The following RBFOX1 variants were observed in gnomAD, a reference collection of about 807,000 sequenced individuals.
RBFOX1 encodes the protein RNA binding protein fox-1 homolog 1.
Under a neutral mutation model 57.7 loss-of-function variants are expected in RBFOX1, and 8 were observed. The ratio of observed to expected loss-of-function variants is 0.14; its 90% CI spans 0.08 to 0.25. RBFOX1 has a LOEUF of 0.25. Ranked by LOEUF, RBFOX1 falls within the 10% of genes least tolerant of loss-of-function variation. The pLI is 1.00. For missense variants in RBFOX1, 611 were observed against 548.5 expected, an observed-to-expected ratio of 1.11 and a Z score of -1.14; for synonymous variants, 326 against 222.4, an observed-to-expected ratio of 1.47 and a Z score of -4.15.
At chr16:5,863,203 C>T (rs565819257) in intron 3 of RBFOX1, among the ~76,000 whole-genome samples, 9 of 152,206 alleles carry the variant, frequency 5.9e-5, no homozygotes, top group East Asian at 1.9e-4. Context: ...TCGGCCTTTG[C>T]GATTTCAAAC....
intron 3 of RBFOX1, among the ~76,000 whole-genome samples, chr16:6,674,133 G>T (rs1391213085): frequency 2.0e-5 from 3 of 152,152 alleles, no homozygotes; most frequent in African/African-American, 7.2e-5. Flanking sequence ...TTGGTATTAA[G>T]TCCTTGTTGT....
At chr16:5,469,586 G>A (rs533752017) in intron 2 of RBFOX1, among the ~76,000 whole-genome samples, 1 of 152,226 alleles carries the variant, frequency 6.6e-6, no homozygotes, top group South Asian at 2.1e-4. Flanking sequence ...ACAATGCGGT[G>A]CCACCATACC....
chr16:7,505,222 T>C (rs1357546811), intron 4 of RBFOX1, among the ~76,000 whole-genome samples: 4 of 149,500 alleles, frequency 2.7e-5, no homozygotes, highest in Non-Finnish European at 5.9e-5. Flanking sequence ...TTTGAGATGA[T>C]TGAGGCAACA....
chr16:7,191,742 G>A (rs1227942413), intron 4 of RBFOX1, among the ~76,000 whole-genome samples: 1 of 152,240 alleles, frequency 6.6e-6, no homozygotes, highest in Non-Finnish European at 1.5e-5. Flanking sequence ...AAGGGGGTTA[G>A]AGCGAAAGCT....
chr16:6,839,427 A>C (rs1329692824), intron 3 of RBFOX1, among the ~76,000 whole-genome samples: 2 of 152,188 alleles, frequency 1.3e-5, no homozygotes, highest in Non-Finnish European at 2.9e-5. Flanking sequence ...AGACTCAATA[A>C]ACACCCTGAA....
At chr16:6,997,326 A>C (rs943264093) in intron 3 of RBFOX1, among the ~76,000 whole-genome samples, 2 of 152,186 alleles carry the variant, frequency 1.3e-5, no homozygotes, top group Non-Finnish European at 2.9e-5. Flanking sequence ...CATACTTATC[A>C]GTATGAAGTG....
At chr16:5,423,734 C>T (rs2067427186) in intron 1 of RBFOX1, among the ~76,000 whole-genome samples, 3 of 152,186 alleles carry the variant, frequency 2.0e-5, no homozygotes, top group African/African-American at 4.8e-5. Flanking sequence ...TTGAGTGGCT[C>T]ATAGAATCAT....
chr16:6,979,107 G>A (rs1349820878), intron 3 of RBFOX1, among the ~76,000 whole-genome samples: 1 of 152,148 alleles, frequency 6.6e-6, no homozygotes, highest in Non-Finnish European at 1.5e-5. Context: ...TGATGATTAT[G>A]GGCTCAGATA....
At chr16:5,283,227 C>G (rs1018895478) in intron 1 of RBFOX1, among the ~76,000 whole-genome samples, 12 of 152,216 alleles carry the variant, frequency 7.9e-5, no homozygotes, top group African/African-American at 2.9e-4. Flanking sequence ...GATGTCCAGG[C>G]AGCAGTTTGC....
intron 3 of RBFOX1, among the ~76,000 whole-genome samples, chr16:7,003,500 G>C (rs1033245720): frequency 1.3e-5 from 2 of 151,506 alleles, no homozygotes; most frequent in Non-Finnish European, 2.9e-5. Context: ...GGAGTAGTTT[G>C]TGAAGCCCTG....
rs142078929 is a variant in RBFOX1 at position 6,797,403 on chromosome 16, A to G, written c.-16+142753A>G. 1.1e-3 allele frequency among the ~76,000 whole-genome samples: 167 copies of G among 152,268 alleles called. 1 individual carries two copies. The highest frequency in any genetic ancestry group is 3.8e-3 in the African/African-American group (156 of 41,550). On this transcript the variant is annotated intron_variant, in intron 3 of 15. Transcript: ENST00000550418. Reference sequence around the variant, plus strand: ...AGGTGGTCGAAAGAGAGAGCGAGAGAAAGGGGGAGAGAGATAGAGTTGCTT... The same window carrying G: ...AGGTGGTCGAAAGAGAGAGCGAGAGGAAGGGGGAGAGAGATAGAGTTGCTT...
intron 3 of RBFOX1, among the ~76,000 whole-genome samples, chr16:6,730,012 A>G (rs576801875): frequency 2.6e-5 from 4 of 152,198 alleles, no homozygotes; most frequent in African/African-American, 4.8e-5. Context: ...TTGTCTAGGA[A>G]GTAATTTGGA....
intron 2 of RBFOX1, among the ~76,000 whole-genome samples, chr16:5,515,684 C>G (rs1156897543): frequency 6.6e-6 from 1 of 152,148 alleles, no homozygotes; most frequent in East Asian, 1.9e-4. Context: ...TCATTAAAAA[C>G]CAATATCCAA....
intron 1 of RBFOX1, among the ~76,000 whole-genome samples, chr16:6,159,641 G>A (rs2096863439): frequency 6.6e-6 from 1 of 152,086 alleles, no homozygotes; most frequent in African/African-American, 2.4e-5. Flanking sequence ...ACCTTCCCAC[G>A]TCTCAGACAG....
At chr16:6,196,372 G>T (rs1282959759) in intron 1 of RBFOX1, among the ~76,000 whole-genome samples, 1 of 152,188 alleles carries the variant, frequency 6.6e-6, no homozygotes, top group Non-Finnish European at 1.5e-5. Context: ...CATCATCTAT[G>T]AAATTGACAG....
intron 10 of RBFOX1, among the ~76,000 whole-genome samples, chr16:7,624,892 T>G (rs1020100352): frequency 6.6e-6 from 1 of 152,136 alleles, no homozygotes; most frequent in Non-Finnish European, 1.5e-5. Context: ...GGATTAACAA[T>G]GTGAACACAC....
intron 1 of RBFOX1, among the ~76,000 whole-genome samples, chr16:5,412,793 A>G (rs902889393): frequency 2.6e-5 from 4 of 152,246 alleles, no homozygotes; most frequent in African/African-American, 9.6e-5. Flanking sequence ...GCTGGCACCT[A>G]CACACATATC....
intron 2 of RBFOX1, among the ~76,000 whole-genome samples, chr16:6,597,566 G>C (rs546924367): frequency 6.6e-6 from 1 of 152,050 alleles, no homozygotes; most frequent in Non-Finnish European, 1.5e-5. Context: ...CCAGCTATTC[G>C]GGAGGCTGAG....
chr16:7,474,002 C>T (rs1365108431), intron 4 of RBFOX1, among the ~76,000 whole-genome samples: 1 of 152,026 alleles, frequency 6.6e-6, no homozygotes. Flanking sequence ...TAAAAACAGC[C>T]CCCCGGCCGG....
Sources: allele counts gnomAD v4.1 joint callset (sites outside exome capture counted in the v4.1 genomes callset), GRCh38; gene constraint gnomAD v4.1.1; transcripts MANE v1.5; gene names NCBI Gene and HGNC (gene_info 2026-07-23, HGNC 2026-07-21).